The following TUBGCP5 variants were observed in gnomAD, a reference collection of about 807,000 sequenced individuals.
TUBGCP5 encodes the protein tubulin gamma complex component 5, also known as gamma-tubulin complex component 5.
TUBGCP5 carries 98 observed loss-of-function variants against 134.7 expected under a neutral mutation model. That is an observed-to-expected ratio of 0.73 (90% CI 0.62 to 0.86). TUBGCP5 has a LOEUF of 0.86. Among genes scored for constraint, TUBGCP5 ranks in the 40% least tolerant of loss-of-function variants. The pLI is 0.00. For synonymous variants in TUBGCP5, 456 were observed against 431.4 expected (o/e 1.06, Z -0.71); for missense variants, 1,150 against 1,244.8 (o/e 0.92, Z 1.15).
At chr15:23,015,968 G>A (rs1348995862) in intron 13 of TUBGCP5, among the ~76,000 whole-genome samples, 2 of 152,096 alleles carry the variant, frequency 1.3e-5, no homozygotes, top group Non-Finnish European at 2.9e-5. Flanking sequence ...AAAGAAACAT[G>A]ACACCTCCCA....
chr15:23,038,963 G>A (rs1350961461), intron 1 of TUBGCP5, among the ~76,000 whole-genome samples: 2 of 152,154 alleles, frequency 1.3e-5, no homozygotes, highest in East Asian at 3.9e-4. Flanking sequence ...AAAAAGGAGA[G>A]CAGGGTGAGA....
At chr15:23,007,314 C>T (rs1226657382) in intron 16 of TUBGCP5, among the ~76,000 whole-genome samples, 1 of 152,076 alleles carries the variant, frequency 6.6e-6, no homozygotes, top group Admixed American at 6.5e-5. Flanking sequence ...GGCATGAACC[C>T]GGGAGGCGGA....
rs768285422 is a variant in TUBGCP5, at chr15:23,029,887, AG to A, written c.622+997del. On this transcript the variant is annotated intron_variant, in intron 6 of 22. Transcript: ENST00000615383. ...CAGAGTGAGACTCCGTCTCAAAAAA[AG>A]GGGGTGGGGGGGAAGAGCAAAGTGG... is the stretch of plus-strand genomic sequence containing the variant. Among the ~76,000 whole-genome samples the A allele has an allele frequency of 2.9e-3, 434 of 149,040 alleles. 2 individuals carry two copies. The highest frequency in any genetic ancestry group is 0.01 in the Middle Eastern group (3 of 294).
At chr15:23,035,336 A>AAAAAAAG (rs2066524129) in intron 3 of TUBGCP5, among the ~76,000 whole-genome samples, 2 of 151,686 alleles carry the variant, frequency 1.3e-5, no homozygotes, top group African/African-American at 4.8e-5. Flanking sequence ...TCTTAAAAAA[A>AAAAAAAG]AAAAAGAAAA....
In TUBGCP5 at chr15:23,004,105, T is replaced by C. The variant is rs1357081667; in HGVS notation, c.2835A>G (p.Glu945=). The change falls in exon 20 of 23, where the codon GAA becomes GAG. Residue 945 remains glutamate (E), a synonymous_variant. Coordinates refer to ENST00000615383, the MANE Select transcript of TUBGCP5 (RefSeq NM_052903.6). Reference sequence around the variant, plus strand: ...CTGCAGGAGACATCTCATGTACCTTTTCTCTCAGCAGACACCGGTCATGGA... The same window carrying C: ...CTGCAGGAGACATCTCATGTACCTTCTCTCTCAGCAGACACCGGTCATGGA... ...STIHDRCLLR[E]KVSFVKEAIM... The C allele has an allele frequency of 1.2e-6, 2 of 1,608,708 alleles. No homozygotes were observed. The highest frequency in any genetic ancestry group is 1.7e-6 in the Non-Finnish European group (2 of 1,178,596).
At chr15:23,032,056 G>A in intron 4 of TUBGCP5, 27 bp from the exon 5 acceptor site, 1 of 1,556,548 alleles carries the variant, frequency 6.4e-7, no homozygotes, top group Non-Finnish European at 8.8e-7. Context: ...GAACTTCATT[G>A]GCTTTATTAT....
intron 6 of TUBGCP5, among the ~76,000 whole-genome samples, chr15:23,029,896 G>C (rs547938597): frequency 6.6e-5 from 10 of 151,866 alleles, no homozygotes; most frequent in African/African-American, 2.4e-4. Context: ...AAGGGGGTGG[G>C]GGGGAAGAGC....
Position 23,032,842 on chromosome 15 carries a change from G to T in TUBGCP5, c.310-18C>A. On this transcript the variant is annotated intron_variant, in intron 3 of 22. Transcript: ENST00000615383. Reference sequence around the variant, plus strand: ...GCATCTGTCTTTAAAACAAAAAAAAGAACATAAATCTCTGAGGTTGGGAAA... The same window carrying T: ...GCATCTGTCTTTAAAACAAAAAAAATAACATAAATCTCTGAGGTTGGGAAA... 2 of 1,520,126 alleles carry T rather than the reference G, an allele frequency of 1.3e-6. No individual in the cohort carries two copies. Among genetic ancestry groups the T allele is most frequent in the Admixed American group, 2.2e-5 (1 of 45,668 alleles). 94.2% of individuals were successfully genotyped at this position (1,520,126 alleles called of 1,614,324 possible).
chr15:22,988,735 C>CAA (rs71117462), intron 23 of TUBGCP5, among the ~76,000 whole-genome samples: 31,941 of 137,482 alleles, frequency 0.23, 3,822 homozygotes, highest in South Asian at 0.28. Context: ...GACTCCGTCT[C>CAA]AAAAAAAAAA....
chr15:23,017,963 T>G lies in TUBGCP5; in HGVS notation c.1566A>C (p.Glu522Asp). 6.2e-7 allele frequency: 1 copy of G among 1,614,216 alleles called. No homozygotes were observed. The highest frequency in any genetic ancestry group is 8.5e-7 in the Non-Finnish European group (1 of 1,180,026). ...CGTTATCACTCATTTTTTCTTCATTTTCTGTCTTTTCTGATACGCTATATA... is the reference window on the plus strand; with the variant it reads ...CGTTATCACTCATTTTTTCTTCATTGTCTGTCTTTTCTGATACGCTATATA... ...YTLYSVSEKT[E>D]NEEKMSDNAS... The change falls in exon 13 of 23, where the codon GAA becomes GAC. Residue 522 changes from glutamate to aspartate, a missense_variant. Glu to Asp is a conservative substitution (Grantham distance 45, BLOSUM62 2). Coordinates refer to ENST00000615383, the MANE Select transcript of TUBGCP5 (RefSeq NM_052903.6).
chr15:22,993,525 GTTTTTTTTTTT>G (rs71414252), intron 23 of TUBGCP5, among the ~76,000 whole-genome samples: 1,548 of 69,258 alleles, frequency 0.022, 29 homozygotes, highest in South Asian at 0.077. Context: ...AGCCCCCGAA[GTTTTTTTTTTT>G]TTTTTTTTTT....
rs529112206 is a variant in TUBGCP5, at chr15:23,004,351, G to C, written c.2713-124C>G. On this transcript the variant is annotated intron_variant, in intron 19 of 22. Transcript: ENST00000615383. Reference sequence around the variant, plus strand: ...ATTCTTCCTTCAATAAGCACATCTAGACAGTTTCATAAAGTACCATTCTTC... The same window carrying C: ...ATTCTTCCTTCAATAAGCACATCTACACAGTTTCATAAAGTACCATTCTTC... 243 of 1,160,358 alleles carry C rather than the reference G, an allele frequency of 2.1e-4. 6 individuals carry two copies. The South Asian group carries it at 3.6e-3, about 17-fold the overall frequency. The allele number at this position is 1,160,358 out of a possible 1,614,324, so 71.9% of individuals were successfully genotyped here.
chr15:23,010,109 A>G lies in TUBGCP5; in HGVS notation c.1980T>C (p.Phe660=), dbSNP rs141664435. 864 of 1,614,006 alleles carry G rather than the reference A, an allele frequency of 5.4e-4. 1 individual carries two copies. The highest frequency in any genetic ancestry group is 2.4e-3 in the Admixed American group (141 of 59,988). The stretch of plus-strand genomic sequence containing the variant: ...CATCACCACCAGCAAACTTCTCGTG[A>G]AAGTCACTCTGCTCCAAATACATCC... The part of the protein sequence containing the change: ...FARMYLEQSD[F]HEKFAGGDVC... Residue 660 remains phenylalanine, a synonymous_variant, in exon 15 of 23, where the codon TTT becomes TTC. Transcript: ENST00000615383.
rs779727395 is a variant in TUBGCP5 at position 23,017,917 on chromosome 15, C to G, written c.1612G>C (p.Asp538His). The G allele has an allele frequency of 6.2e-7, 1 of 1,614,066 alleles. No homozygotes were observed. The highest frequency in any genetic ancestry group is 2.2e-5 in the East Asian group (1 of 44,902). The change falls in exon 13 of 23, where the codon GAC becomes CAC. Residue 538 changes from aspartate (D) to histidine (H), a missense_variant. Around this residue, in one of 2 missense-constraint regions of TUBGCP5, gnomAD observed 697 missense variants for 850.1 expected, o/e 0.82. Transcript: ENST00000615383. ...SDNASASSGS[D>H]QGPSSRQHTM... ...TGCTGCCTGCTGGAGGGCCCCTGGT[C>G]ACTGCCGGAACTCGCACTAGCGTTA... is the stretch of plus-strand genomic sequence containing the variant.
chr15:23,021,776 G>C (rs887177742), intron 11 of TUBGCP5, among the ~76,000 whole-genome samples, 183 bp downstream of exon 11: 1 of 152,146 alleles, frequency 6.6e-6, no homozygotes. Flanking sequence ...TCCTTCTGAG[G>C]ATCTTGGCAA....
intron 4 of TUBGCP5, among the ~76,000 whole-genome samples, chr15:23,032,282 T>C (rs1455469758): frequency 6.6e-6 from 1 of 152,146 alleles, no homozygotes; most frequent in African/African-American, 2.4e-5. Flanking sequence ...TCCCTCAATA[T>C]CTGAGGGGAA....
At chr15:23,000,401 T>C in intron 22 of TUBGCP5, 168 bp downstream of exon 22, 2 of 1,400,880 alleles carry the variant, frequency 1.4e-6, no homozygotes, top group Admixed American at 6.4e-5. Flanking sequence ...CACCTCACCG[T>C]AATGCTTAAA....
intron 23 of TUBGCP5, among the ~76,000 whole-genome samples, chr15:22,984,576 T>A (rs34548385): frequency 2.0e-5 from 3 of 151,824 alleles, no homozygotes; most frequent in Admixed American, 2.0e-4. Context: ...GCTGAGATCA[T>A]GCCACTGCAC....
intron 6 of TUBGCP5, among the ~76,000 whole-genome samples, chr15:23,028,082 G>A (rs887247409): frequency 6.6e-6 from 1 of 151,748 alleles, no homozygotes; most frequent in Non-Finnish European, 1.5e-5. Context: ...GACAAAGACA[G>A]GATACATGTA....
Sources: allele counts gnomAD v4.1 joint callset (sites outside exome capture counted in the v4.1 genomes callset), GRCh38; gene constraint gnomAD v4.1.1; regional missense constraint gnomAD v4.1.1; transcripts MANE v1.5; gene names NCBI Gene and HGNC (gene_info 2026-07-23, HGNC 2026-07-21).